Variants in ST6GALNAC5 observed in about 807,000 individuals in gnomAD.
ST6GALNAC5 encodes the protein alpha-N-acetylgalactosaminide alpha-2,6-sialyltransferase 5.
ST6GALNAC5 carries 27 observed loss-of-function variants against 33.6 expected under a neutral mutation model. The observed-to-expected ratio is 0.80, with a 90% confidence interval of 0.59 to 1.11. ST6GALNAC5 has a LOEUF of 1.11. ST6GALNAC5 is among the 50% of genes least tolerant of loss of function. The pLI, the probability that ST6GALNAC5 is intolerant of heterozygous loss-of-function variation, is 0.00. For missense variants in ST6GALNAC5, 428 were observed against 454.0 expected (o/e 0.94, Z 0.52); for synonymous variants, 194 against 171.2 (o/e 1.13, Z -1.04).
At chr1:77,010,388 A>G (rs1409657833) in intron 2 of ST6GALNAC5, among the ~76,000 whole-genome samples, 1 of 152,128 alleles carries the variant, frequency 6.6e-6, no homozygotes. Context: ...TCACCTACTC[A>G]GGGGGCTGAG....
At chr1:77,051,210 T>C (rs1031508067) in intron 4 of ST6GALNAC5, among the ~76,000 whole-genome samples, 1 of 152,216 alleles carries the variant, frequency 6.6e-6, no homozygotes, top group African/African-American at 2.4e-5. Context: ...TCGAAGGCCA[T>C]GAGTCTTTAG....
intron 4 of ST6GALNAC5, among the ~76,000 whole-genome samples, chr1:77,050,618 C>T (rs1288897643): frequency 6.6e-6 from 1 of 152,112 alleles, no homozygotes; most frequent in Non-Finnish European, 1.5e-5. Context: ...TATTTATCAG[C>T]CAGAAGTAAT....
At chr1:76,990,165 G>A (rs912787766) in intron 2 of ST6GALNAC5, among the ~76,000 whole-genome samples, 20 of 152,196 alleles carry the variant, frequency 1.3e-4, no homozygotes, top group Admixed American at 1.2e-3. Context: ...GCTGCATGAC[G>A]CAGCCATGAG....
intron 2 of ST6GALNAC5, among the ~76,000 whole-genome samples, chr1:76,903,116 G>A (rs943556114): frequency 1.3e-5 from 2 of 152,062 alleles, no homozygotes; most frequent in Non-Finnish European, 2.9e-5. Flanking sequence ...CATGGAATAA[G>A]AGAAAATATT....
At chr1:77,020,754 T>C (rs528731497) in intron 2 of ST6GALNAC5, among the ~76,000 whole-genome samples, 29 of 152,314 alleles carry the variant, frequency 1.9e-4, no homozygotes, top group African/African-American at 6.5e-4. Context: ...CCACACTTGG[T>C]AATTGTTCAT....
intron 2 of ST6GALNAC5, among the ~76,000 whole-genome samples, chr1:76,961,985 T>C (rs538571196): frequency 2.5e-4 from 38 of 152,286 alleles, no homozygotes; most frequent in Non-Finnish European, 3.5e-4. Flanking sequence ...AAAATGTTTG[T>C]GGTATGCATG....
chr1:77,023,994 G>A (rs1303663324), intron 2 of ST6GALNAC5, among the ~76,000 whole-genome samples: 30 of 152,074 alleles, frequency 2.0e-4, no homozygotes, highest in Non-Finnish European at 1.5e-5. Flanking sequence ...TGAATAAAAG[G>A]GTCACTGTTA....
chr1:76,899,476 G>A (rs1055859005), intron 2 of ST6GALNAC5, among the ~76,000 whole-genome samples: 2 of 152,132 alleles, frequency 1.3e-5, no homozygotes, highest in African/African-American at 4.8e-5. Context: ...GGGGCACAGA[G>A]ACAAGAGGTT....
chr1:77,047,347 C>T (rs1652052857), intron 3 of ST6GALNAC5, among the ~76,000 whole-genome samples: 1 of 152,214 alleles, frequency 6.6e-6, no homozygotes, highest in Non-Finnish European at 1.5e-5. Context: ...AAACCTAAAA[C>T]ATTTAGGGTG....
At chr1:76,923,722 C>A (rs1405011684) in intron 2 of ST6GALNAC5, among the ~76,000 whole-genome samples, 1 of 151,666 alleles carries the variant, frequency 6.6e-6, no homozygotes, top group African/African-American at 2.4e-5. Context: ...AAAAAACAAA[C>A]AAACAAAAAA....
chr1:77,059,510 G>T (rs1419568423), intron 4 of ST6GALNAC5, among the ~76,000 whole-genome samples: 1 of 152,184 alleles, frequency 6.6e-6, no homozygotes, highest in African/African-American at 2.4e-5. Context: ...GCCCTTCCCA[G>T]AATCTCATAA....
At position 77,044,451 on chromosome 1, in the gene ST6GALNAC5, T is replaced by G. The variant is rs1395469474; in HGVS notation, c.509T>G (p.Phe170Cys). The change falls in exon 3 of 5, where the codon TTC becomes TGC. Residue 170 changes from phenylalanine to cysteine, a missense_variant. Physicochemically the swap from Phe to Cys is radical, Grantham distance 205 (BLOSUM62 -2). Transcript: ENST00000477717. ...GTGAGCCAGGGCACCGTGTTCATCT[T>G]CTGGGGCCCCAGCAGCTACATGCGG... ...LNVSQGTVFI[F>C]WGPSSYMRRD... The G allele has an allele frequency of 5.0e-6, 8 of 1,613,388 alleles. No individual in the cohort carries two copies. Among genetic ancestry groups the G allele is most frequent in the Non-Finnish European group, 6.8e-6 (8 of 1,179,674 alleles).
At chr1:76,926,498 G>T (rs1647086543) in intron 2 of ST6GALNAC5, among the ~76,000 whole-genome samples, 1 of 152,034 alleles carries the variant, frequency 6.6e-6, no homozygotes, top group South Asian at 2.1e-4. Context: ...CTATTATCAA[G>T]AAATATTAAA....
intron 2 of ST6GALNAC5, among the ~76,000 whole-genome samples, chr1:77,007,454 C>T (rs1650468019): frequency 6.6e-6 from 1 of 152,208 alleles, no homozygotes; most frequent in African/African-American, 2.4e-5. Flanking sequence ...GTCCAAGTTC[C>T]TCTTCTCCAG....
Position 77,001,972 on chromosome 1 carries a change from C to T in ST6GALNAC5, c.262-42232C>T, listed in dbSNP as rs12132588. Among the ~76,000 whole-genome samples the T allele has an allele frequency of 2.0e-5, 3 of 151,790 alleles. 1 individual carries two copies. The South Asian group carries it at 6.2e-4, about 32-fold the overall frequency. ...TTCTCTTTTTTGGTTGTGTCTCTGCCCGGCTTTGCTATCAGGATGATGCTG... is the reference window on the plus strand; with the variant it reads ...TTCTCTTTTTTGGTTGTGTCTCTGCTCGGCTTTGCTATCAGGATGATGCTG... On this transcript the variant is annotated intron_variant, in intron 2 of 4. Transcript: ENST00000477717.
chr1:76,966,037 G>A (rs1648459536), intron 2 of ST6GALNAC5, among the ~76,000 whole-genome samples: 1 of 152,178 alleles, frequency 6.6e-6, no homozygotes, highest in South Asian at 2.1e-4. Flanking sequence ...AAGTCAGGTA[G>A]CGTGATGCCT....
At chr1:76,970,748 A>G (rs1164570396) in intron 2 of ST6GALNAC5, among the ~76,000 whole-genome samples, 1 of 152,172 alleles carries the variant, frequency 6.6e-6, no homozygotes, top group African/African-American at 2.4e-5. Context: ...CCCAAGACAC[A>G]TACAGTAACT....
chr1:76,920,981 G>T (rs1647029168), intron 2 of ST6GALNAC5, among the ~76,000 whole-genome samples: 1 of 152,162 alleles, frequency 6.6e-6, no homozygotes. Flanking sequence ...TGAATGAGAA[G>T]TGAACTGCTA....
At position 77,064,388 on chromosome 1, in the gene ST6GALNAC5, C is replaced by T. The variant is rs1271396652; in HGVS notation, c.*1182C>T. Reference sequence around the variant, plus strand: ...TCGAAGCATCACCATCCGCCTCTTCCCCAGCCTCTCAACACAAAAACACAG... The same window carrying T: ...TCGAAGCATCACCATCCGCCTCTTCTCCAGCCTCTCAACACAAAAACACAG... On this transcript the variant is annotated 3_prime_UTR_variant, in exon 5 of 5. Coordinates refer to ENST00000477717, the MANE Select transcript of ST6GALNAC5 (RefSeq NM_030965.3). The T allele has an allele frequency of 1.3e-5, 2 of 148,610 alleles. No individual in the cohort carries two copies. Among genetic ancestry groups the T allele is most frequent in the Non-Finnish European group, 3.0e-5 (2 of 67,752 alleles). The allele number at this position is 148,610 out of a possible 1,614,324, so 9.2% of individuals were successfully genotyped here.
Sources: gnomAD v4.1 joint callset for allele counts (sites outside exome capture counted in the v4.1 genomes callset) on GRCh38, gnomAD v4.1.1 for gene constraint, MANE v1.5 for transcripts, NCBI Gene and HGNC (gene_info 2026-07-23, HGNC 2026-07-21) for gene names.